Variants in SLCO3A1 observed in about 807,000 individuals in gnomAD.
SLCO3A1 encodes PGE1 transporter.
SLCO3A1 carries 27 observed loss-of-function variants against 63.1 expected under a neutral mutation model. The observed-to-expected ratio is 0.43, with a 90% CI of 0.32 to 0.59. SLCO3A1 has a LOEUF of 0.59. Among genes scored for constraint, SLCO3A1 ranks in the 20% least tolerant of loss-of-function variants. The pLI, the probability that SLCO3A1 is intolerant of heterozygous loss-of-function variation, is 0.09. For missense variants in SLCO3A1, 773 were observed against 945.8 expected, an observed-to-expected ratio of 0.82 and a Z score of 2.40; for synonymous variants, 473 against 409.9, an observed-to-expected ratio of 1.15 and a Z score of -1.86.
intron 1 of SLCO3A1, among the ~76,000 whole-genome samples, chr15:91,880,169 C>CTGT (rs879917917): frequency 6.7e-6 from 1 of 149,096 alleles, no homozygotes; most frequent in African/African-American, 2.5e-5. Context: ...ATCCATCCAT[C>CTGT]CATCTATCTA....
At chr15:91,906,990 C>T (rs1249677965) in intron 1 of SLCO3A1, among the ~76,000 whole-genome samples, 1 of 150,600 alleles carries the variant, frequency 6.6e-6, no homozygotes, top group African/African-American at 2.4e-5. Context: ...AATCAATGAA[C>T]ATAAAAATTC....
chr15:92,161,202 G>GT (rs2048432663), intron 9 of SLCO3A1, among the ~76,000 whole-genome samples: 1 of 152,166 alleles, frequency 6.6e-6, no homozygotes, highest in Non-Finnish European at 1.5e-5. Context: ...CAAGGGGACA[G>GT]TTTTTTTGAA....
chr15:91,864,628 A>G (rs945095298), intron 1 of SLCO3A1, among the ~76,000 whole-genome samples: 2 of 151,814 alleles, frequency 1.3e-5, no homozygotes, highest in Non-Finnish European at 2.9e-5. Context: ...ATTGGGGAAT[A>G]CTTTTGTATT....
chr15:92,069,083 A>C (rs1388345614), intron 2 of SLCO3A1, among the ~76,000 whole-genome samples: 1 of 147,892 alleles, frequency 6.8e-6, no homozygotes, highest in Admixed American at 6.7e-5. Flanking sequence ...CTTCTCATTC[A>C]AGGGCTCCCC....
chr15:91,976,026 GC>G (rs1460522474), intron 2 of SLCO3A1, among the ~76,000 whole-genome samples: 1 of 152,160 alleles, frequency 6.6e-6, no homozygotes, highest in Non-Finnish European at 1.5e-5. Flanking sequence ...GTGTAGAGGT[GC>G]CTTATTATTA....
chr15:91,963,418 G>GGGGGC (rs1374411021), intron 2 of SLCO3A1, among the ~76,000 whole-genome samples: 2,015 of 130,662 alleles, frequency 0.015, 40 homozygotes, highest in Non-Finnish European at 0.024. Flanking sequence ...TGGGGGGGGG[G>GGGGGC]GGCGGCAGCA....
At chr15:91,922,371 A>G (rs567366060) in intron 2 of SLCO3A1, among the ~76,000 whole-genome samples, 1 of 152,320 alleles carries the variant, frequency 6.6e-6, no homozygotes, top group South Asian at 2.1e-4. Context: ...AGACACAAAA[A>G]TGTGTCACGT....
chr15:91,971,145 T>G (rs7178734), intron 2 of SLCO3A1, among the ~76,000 whole-genome samples: 1 of 151,686 alleles, frequency 6.6e-6, no homozygotes, highest in African/African-American at 2.4e-5. Flanking sequence ...CCTGTAATCT[T>G]AGCACTTCGG....
intron 6 of SLCO3A1, among the ~76,000 whole-genome samples, chr15:92,127,173 C>A (rs1050063326): frequency 6.6e-6 from 1 of 152,232 alleles, no homozygotes; most frequent in African/African-American, 2.4e-5. Context: ...GTTGCCCCTT[C>A]CAATCCCCGC....
At position 92,164,499 on chromosome 15, in the gene SLCO3A1, T is replaced by G; in HGVS notation, c.*1364T>G. 1.0e-6 allele frequency: 1 copy of G among 985,438 alleles called. No individual in the cohort carries two copies. The allele number at this position is 985,438 out of a possible 1,614,324, so 61.0% of individuals were successfully genotyped here. A position where few individuals can be genotyped will look rare whatever the true frequency, so the allele number is the denominator to read the frequency against. On this transcript the variant is annotated 3_prime_UTR_variant, in exon 10 of 10. Coordinates refer to ENST00000318445, the MANE Select transcript of SLCO3A1 (RefSeq NM_013272.4). ...GCTTGACATTCCAAGAGGCGTTCTTTTCAGCCTGTGGAGGAGACACTCTTA... is the reference window on the plus strand; with the variant it reads ...GCTTGACATTCCAAGAGGCGTTCTTGTCAGCCTGTGGAGGAGACACTCTTA...
intron 1 of SLCO3A1, among the ~76,000 whole-genome samples, chr15:91,873,122 C>T (rs2151335870): frequency 6.6e-6 from 1 of 152,318 alleles, no homozygotes; most frequent in Non-Finnish European, 1.5e-5. Context: ...TTTACTTGTT[C>T]AACAAGCGAT....
At chr15:92,003,435 A>T (rs567801052) in intron 2 of SLCO3A1, among the ~76,000 whole-genome samples, 10 of 152,342 alleles carry the variant, frequency 6.6e-5, no homozygotes, top group Non-Finnish European at 1.3e-4. Context: ...GTTTTTCATC[A>T]GCTAGCCTGT....
At chr15:92,150,035 G>C (rs969242931) in intron 8 of SLCO3A1, among the ~76,000 whole-genome samples, 1 of 152,120 alleles carries the variant, frequency 6.6e-6, no homozygotes, top group African/African-American at 2.4e-5. Flanking sequence ...TGTTGTACTG[G>C]TGTCTAACTC....
At chr15:92,061,656 A>C (rs2047087581) in intron 2 of SLCO3A1, among the ~76,000 whole-genome samples, 1 of 152,128 alleles carries the variant, frequency 6.6e-6, no homozygotes, top group Admixed American at 6.5e-5. Flanking sequence ...GTCCATCCCC[A>C]CTGGCCACCG....
At chr15:91,917,224 C>T (rs1018981532) in intron 2 of SLCO3A1, among the ~76,000 whole-genome samples, 3 of 152,096 alleles carry the variant, frequency 2.0e-5, no homozygotes, top group Non-Finnish European at 4.4e-5. Context: ...ATAATTCTGT[C>T]TCCTGCCAGC....
Position 91,941,656 on chromosome 15 carries a change from C to A in SLCO3A1, c.646+25198C>A. 1 of 396,686 alleles carries A rather than the reference C, an allele frequency of 2.5e-6. No homozygotes were observed. The highest frequency in any genetic ancestry group is 5.0e-6 in the Non-Finnish European group (1 of 201,570). 24.6% of individuals were successfully genotyped at this position (396,686 alleles called of 1,614,324 possible). ...CATGGGTTTTGTACTTTTTCTTACT[C>A]GGGATGTTTGTTTCTCTTTGTCTTT... On this transcript the variant is annotated intron_variant, in intron 2 of 9. Transcript: ENST00000318445. The surrounding 1 kb of genome is among the most constrained non-coding windows in gnomAD (Gnocchi z 4.4).
At position 92,071,263 on chromosome 15, in the gene SLCO3A1, C is replaced by T. The variant is rs115411199; in HGVS notation, c.647-23618C>T. Among the ~76,000 whole-genome samples the T allele has an allele frequency of 4.0e-3, 616 of 152,242 alleles. 6 individuals are homozygous for T. The highest frequency in any genetic ancestry group is 0.014 in the African/African-American group (590 of 41,526). On this transcript the variant is annotated intron_variant, in intron 2 of 9. Transcript: ENST00000318445. The stretch of plus-strand genomic sequence containing the variant: ...TGCGAGGCCGGTGCCTGCCAGGGAG[C>T]GTGAGGATGAAGACAGGTTGCCCAA...
intron 9 of SLCO3A1, among the ~76,000 whole-genome samples, chr15:92,159,329 AC>A (rs1722608422): frequency 6.6e-6 from 1 of 152,116 alleles, no homozygotes; most frequent in African/African-American, 2.4e-5. Context: ...TACTAAAAAT[AC>A]AAAAATTAGC....
chr15:91,926,583 G>GTGTA (rs1169322979), intron 2 of SLCO3A1, among the ~76,000 whole-genome samples: 1 of 103,514 alleles, frequency 9.7e-6, no homozygotes, highest in East Asian at 2.8e-4. Flanking sequence ...GTGTGTGTGT[G>GTGTA]TGTGTGTGTG....
Sources: gnomAD v4.1 joint callset for allele counts (sites outside exome capture counted in the v4.1 genomes callset) on GRCh38, gnomAD v4.1.1 for gene constraint, Gnocchi (gnomAD v3.1) non-coding constraint, MANE v1.5 for transcripts, NCBI Gene and HGNC (gene_info 2026-07-23, HGNC 2026-07-21) for gene names.